The following ABI1 variants were observed in gnomAD, a reference collection of about 807,000 sequenced individuals.
ABI1 encodes abl interactor 1, also known as Abelson interactor 1.
Under a neutral mutation model 54.6 loss-of-function variants are expected in ABI1, and 14 were observed. The ratio of observed to expected loss-of-function variants is 0.26; its 90% CI spans 0.17 to 0.40. ABI1 has a LOEUF of 0.40. Ranked by LOEUF, ABI1 falls within the 10% of genes least tolerant of loss-of-function variation. The pLI, the probability that ABI1 is intolerant of heterozygous loss-of-function variation, is 1.00. For synonymous variants in ABI1, 194 were observed against 209.3 expected, an observed-to-expected ratio of 0.93 and a Z score of 0.63; for missense variants, 443 against 598.3, an observed-to-expected ratio of 0.74 and a Z score of 2.71.
intron 2 of ABI1, among the ~76,000 whole-genome samples, chr10:26,794,624 T>C (rs1356691264): frequency 6.6e-6 from 1 of 151,292 alleles, no homozygotes; most frequent in Non-Finnish European, 1.5e-5. Context: ...AAAACAGTTA[T>C]CAACTTCACA....
chr10:26,751,465 G>A, intron 10 of ABI1, 133 bp downstream of exon 10: 1 of 818,434 alleles, frequency 1.2e-6, no homozygotes, highest in Non-Finnish European at 1.8e-6. Context: ...TAGGAAGTAA[G>A]GTTTAAGTAA....
chr10:26,857,657 A>C (rs2134355639), intron 1 of ABI1, among the ~76,000 whole-genome samples: 1 of 151,622 alleles, frequency 6.6e-6, no homozygotes, highest in East Asian at 1.9e-4. Flanking sequence ...AAAAAAAAAA[A>C]AAAAACTTTC....
Position 26,823,315 on chromosome 10 carries a change from G to A in ABI1, c.118-10C>T, listed in dbSNP as rs1397065574. ...TTCTCTTGTCTGTAGCCTGAAATAA[G>A]AACAAAAACAACAAATACTTATTTA... On this transcript the variant is annotated splice_polypyrimidine_tract_variant and intron_variant, in intron 1 of 10. Transcript: ENST00000376140. 4.7e-6 allele frequency: 7 copies of A among 1,489,770 alleles called. No individual in the cohort carries two copies. The highest frequency in any genetic ancestry group is 2.9e-5 in the South Asian group (2 of 69,516). The allele number at this position is 1,489,770 out of a possible 1,614,324, so 92.3% of individuals were successfully genotyped here.
chr10:26,851,481 G>A (rs1335061994), intron 1 of ABI1, among the ~76,000 whole-genome samples: 1 of 148,690 alleles, frequency 6.7e-6, no homozygotes, highest in Non-Finnish European at 1.5e-5. Context: ...TTGAGCCACT[G>A]CAGCTAGCTG....
intron 5 of ABI1, 68 bp from the exon 6 acceptor site, chr10:26,769,060 T>C: frequency 3.2e-6 from 4 of 1,250,168 alleles, no homozygotes; most frequent in East Asian, 2.7e-5. Context: ...CCCAAAAATA[T>C]GTGAGTCTCC....
At chr10:26,770,086 G>T (rs545681316) in intron 5 of ABI1, among the ~76,000 whole-genome samples, 159 bp downstream of exon 5, 1 of 152,240 alleles carries the variant, frequency 6.6e-6, no homozygotes, top group South Asian at 2.1e-4. Context: ...GATTCATTTG[G>T]GATTCTGTTC....
chr10:26,771,069 T>C lies in ABI1; in HGVS notation c.477+6A>G, dbSNP rs770105790. 6.2e-7 allele frequency: 1 copy of C among 1,613,604 alleles called. No individual in the cohort carries two copies. Among genetic ancestry groups the C allele is most frequent in the Non-Finnish European group, 8.5e-7 (1 of 1,179,702 alleles). ...TGTGGATCAAATGATAAGTAATGGC[T>C]CTTACCTTGGCTTTTAGCCACTTTA... On this transcript the variant is annotated splice_donor_region_variant and intron_variant, in intron 4 of 10. Coordinates refer to ENST00000376140, the MANE Select transcript of ABI1 (RefSeq NM_001012750.3).
At chr10:26,797,117 A>C (rs1053081783) in intron 2 of ABI1, among the ~76,000 whole-genome samples, 1 of 152,178 alleles carries the variant, frequency 6.6e-6, no homozygotes, top group Non-Finnish European at 1.5e-5. Context: ...ATACACAGTA[A>C]AATTTATTTT....
intron 2 of ABI1, among the ~76,000 whole-genome samples, chr10:26,800,695 C>A (rs1055718442): frequency 6.6e-6 from 1 of 152,166 alleles, no homozygotes; most frequent in Non-Finnish European, 1.5e-5. Flanking sequence ...AGGACCATTA[C>A]ACTGCTGCCT....
chr10:26,847,637 C>G (rs960503977), intron 1 of ABI1, among the ~76,000 whole-genome samples: 1 of 150,510 alleles, frequency 6.6e-6, no homozygotes, highest in African/African-American at 2.5e-5. Context: ...AAAAAACAAG[C>G]AAAATTTGAT....
intron 2 of ABI1, among the ~76,000 whole-genome samples, chr10:26,811,210 T>C (rs2047206840): frequency 6.6e-6 from 1 of 152,110 alleles, no homozygotes. Context: ...ATGTAATAAT[T>C]AAGAAAATTT....
intron 1 of ABI1, among the ~76,000 whole-genome samples, chr10:26,853,625 C>T (rs1354327659): frequency 3.3e-5 from 5 of 151,284 alleles, no homozygotes; most frequent in African/African-American, 7.3e-5. Context: ...CTGCAAGCTC[C>T]GCCTCCGGGT....
chr10:26,751,541 C>A, intron 10 of ABI1, 57 bp downstream of exon 10: 1 of 1,540,864 alleles, frequency 6.5e-7, no homozygotes, highest in Non-Finnish European at 8.8e-7. Flanking sequence ...CTTTATAGTT[C>A]TAAATTTCTA....
chr10:26,789,397 A>G (rs1843141863), intron 2 of ABI1, among the ~76,000 whole-genome samples: 1 of 152,230 alleles, frequency 6.6e-6, no homozygotes, highest in African/African-American at 2.4e-5. Context: ...GAATACATAC[A>G]CACATTTGAA....
intron 2 of ABI1, among the ~76,000 whole-genome samples, chr10:26,794,223 A>T (rs944972726): frequency 6.6e-6 from 1 of 152,070 alleles, no homozygotes; most frequent in South Asian, 2.1e-4. Context: ...AGCCTGAGCA[A>T]CCCTGTCTCC....
chr10:26,823,967 GA>G (rs56186771), intron 1 of ABI1, among the ~76,000 whole-genome samples: 17,573 of 137,804 alleles, frequency 0.13, 1,028 homozygotes, highest in African/African-American at 0.15. Flanking sequence ...ATCTAAAAAT[GA>G]AAAAAAAAAA....
At chr10:26,802,977 A>T (rs935561583) in intron 2 of ABI1, among the ~76,000 whole-genome samples, 27 of 152,352 alleles carry the variant, frequency 1.8e-4, no homozygotes, top group African/African-American at 5.0e-4. Flanking sequence ...AGGAAGATCA[A>T]ACAGAAGCTA....
chr10:26,779,811 T>C (rs891199480), intron 2 of ABI1, among the ~76,000 whole-genome samples: 6 of 152,068 alleles, frequency 3.9e-5, no homozygotes, highest in Non-Finnish European at 8.8e-5. Flanking sequence ...CAAGAAACCT[T>C]TGAAACTCTC....
chr10:26,805,461 G>A (rs1232830018), intron 2 of ABI1, among the ~76,000 whole-genome samples: 1 of 150,916 alleles, frequency 6.6e-6, no homozygotes, highest in African/African-American at 2.4e-5. Context: ...TAAGGTTAAT[G>A]AGAACACTCC....
Sources: gnomAD v4.1 joint callset for allele counts (sites outside exome capture counted in the v4.1 genomes callset) on GRCh38, gnomAD v4.1.1 for gene constraint, MANE v1.5 for transcripts, NCBI Gene and HGNC (gene_info 2026-07-23, HGNC 2026-07-21) for gene names.